BICD1: variants seen among roughly 807,000 people sequenced by gnomAD.
BICD1 encodes BICD cargo adaptor 1.
BICD1 carries 35 observed loss-of-function variants against 92.5 expected under a neutral mutation model. The observed-to-expected ratio is 0.38, with a 90% CI of 0.29 to 0.50. The LOEUF (loss-of-function observed/expected upper bound fraction) is 0.50, where lower values mean the gene tolerates loss of function less well. Ranked by LOEUF, BICD1 falls within the 20% of genes least tolerant of loss-of-function variation. The probability of loss-of-function intolerance (pLI) is 0.93; values close to 1 mark genes in which losing one functional copy is unlikely to be tolerated. For missense variants in BICD1, 950 were observed against 1,189.8 expected, an observed-to-expected ratio of 0.80 and a Z score of 2.97; for synonymous variants, 429 against 465.1, an observed-to-expected ratio of 0.92 and a Z score of 1.00.
At chr12:32,121,648 A>T (rs1343564324) in intron 1 of BICD1, among the ~76,000 whole-genome samples, 2 of 151,702 alleles carry the variant, frequency 1.3e-5, no homozygotes, top group African/African-American at 4.8e-5. Context: ...AGGTGGAAGG[A>T]TGGCTTGAGC....
At chr12:32,302,974 C>T (rs1948102379) in intron 3 of BICD1, among the ~76,000 whole-genome samples, 1 of 147,594 alleles carries the variant, frequency 6.8e-6, no homozygotes, top group African/African-American at 2.5e-5. Context: ...CACTCTGCCA[C>T]CCAGATTGGA....
intron 2 of BICD1, among the ~76,000 whole-genome samples, chr12:32,280,455 A>G (rs1947383735): frequency 6.6e-6 from 1 of 152,220 alleles, no homozygotes. Context: ...AAAAATATAG[A>G]GGGGGAAACT....
rs1940252738 is a variant in BICD1 at position 32,383,374 on chromosome 12, AT to A, written c.*5750del. 1 of 152,168 alleles carries A rather than the reference AT, an allele frequency of 6.6e-6. No homozygotes were observed. Among genetic ancestry groups the A allele is most frequent in the Non-Finnish European group, 1.5e-5 (1 of 67,990 alleles). The allele number at this position is 152,168 out of a possible 1,614,324, so 9.4% of individuals were successfully genotyped here. A position where few individuals can be genotyped will look rare whatever the true frequency, so the allele number is the denominator to read the frequency against. On this transcript the variant is annotated 3_prime_UTR_variant, in exon 10 of 10. Transcript: ENST00000652176. ...TTTTAAATTCAAAAAATTCTTATGA[AT>A]TTATTATTGCTTGTACTTTAACTTT... is the stretch of plus-strand genomic sequence containing the variant.
intron 1 of BICD1, among the ~76,000 whole-genome samples, chr12:32,137,243 C>CA (rs757185867): frequency 5.3e-5 from 8 of 152,116 alleles, no homozygotes; most frequent in Non-Finnish European, 1.0e-4. Context: ...CATGCGCCAC[C>CA]ACACCTGGTT....
chr12:32,209,710 T>C (rs1036660725), intron 1 of BICD1, among the ~76,000 whole-genome samples: 1 of 151,522 alleles, frequency 6.6e-6, no homozygotes, highest in African/African-American at 2.4e-5. Context: ...ATATCTAAGC[T>C]TTCTTCTCTG....
chr12:32,153,238 G>A (rs1241231682), intron 1 of BICD1, among the ~76,000 whole-genome samples: 2 of 152,102 alleles, frequency 1.3e-5, no homozygotes, highest in Non-Finnish European at 2.9e-5. Context: ...TTGCTGCAAA[G>A]GACATGATTT....
Position 32,212,531 on chromosome 12 carries a change from T to G in BICD1, c.214-3716T>G, listed in dbSNP as rs1047465248. ...CCTCCATCTCCCAGATTCAAGTGAT[T>G]CTCCTGCCTCAGCCACCCAAGTAGC... On this transcript the variant is annotated intron_variant, in intron 1 of 9. Transcript: ENST00000652176. Among the ~76,000 whole-genome samples the G allele has an allele frequency of 3.3e-5, 5 of 152,276 alleles. 1 individual carries two copies. The South Asian group carries it at 8.3e-4, about 25-fold the overall frequency.
At chr12:32,269,658 C>T (rs1319310498) in intron 2 of BICD1, among the ~76,000 whole-genome samples, 1 of 152,186 alleles carries the variant, frequency 6.6e-6, no homozygotes, top group African/African-American at 2.4e-5. Context: ...TGGGTTATAA[C>T]TTGCTTTCTG....
intron 2 of BICD1, among the ~76,000 whole-genome samples, chr12:32,283,432 C>A (rs1947473937): frequency 6.6e-6 from 1 of 150,810 alleles, no homozygotes; most frequent in African/African-American, 2.4e-5. Context: ...AGTCCCCAGT[C>A]AGCACAGATC....
chr12:32,369,551 C>T lies in BICD1; in HGVS notation c.2840+1806C>T, dbSNP rs193122795. On this transcript the variant is annotated intron_variant, in intron 9 of 9. Transcript: ENST00000652176. ...CCCAAGTGTCACATGGTCTCAGAGG[C>T]GGTTGTGCAGCCAGCTGTATCAGTG... Among the ~76,000 whole-genome samples, 135 of 152,348 alleles carry T rather than the reference C, an allele frequency of 8.9e-4. 1 individual carries two copies. In the Middle Eastern group the frequency reaches 0.01, roughly 12 times the overall value.
chr12:32,226,664 C>T (rs966366844), intron 2 of BICD1, among the ~76,000 whole-genome samples: 3 of 152,126 alleles, frequency 2.0e-5, no homozygotes, highest in South Asian at 2.1e-4. Context: ...CAGGCTTCAG[C>T]GACCCTTCTC....
chr12:32,143,486 GGTT>G (rs1467032848), intron 1 of BICD1, among the ~76,000 whole-genome samples: 1 of 152,060 alleles, frequency 6.6e-6, no homozygotes, highest in East Asian at 1.9e-4. Flanking sequence ...AGATTCTCCA[GGTT>G]GTTGTACACA....
intron 4 of BICD1, 38 bp downstream of exon 4, chr12:32,306,160 T>A: frequency 6.6e-7 from 1 of 1,514,402 alleles, no homozygotes; most frequent in Non-Finnish European, 8.8e-7. Flanking sequence ...GTGAATTTCT[T>A]GTAGATTGCA....
intron 1 of BICD1, among the ~76,000 whole-genome samples, chr12:32,130,011 A>T (rs915112035): frequency 6.6e-6 from 1 of 152,220 alleles, no homozygotes; most frequent in African/African-American, 2.4e-5. Flanking sequence ...AAATATAGGT[A>T]CAATGAGTTT....
chr12:32,212,142 A>C (rs1391811952), intron 1 of BICD1, among the ~76,000 whole-genome samples: 1 of 152,174 alleles, frequency 6.6e-6, no homozygotes, highest in African/African-American at 2.4e-5. Flanking sequence ...CTTAGGGACC[A>C]TCTTTTGATT....
chr12:32,286,422 A>T (rs1947568696), intron 2 of BICD1, among the ~76,000 whole-genome samples: 1 of 152,196 alleles, frequency 6.6e-6, no homozygotes, highest in South Asian at 2.1e-4. Flanking sequence ...ATTTTTCAAG[A>T]AAGAAAAAAA....
intron 2 of BICD1, among the ~76,000 whole-genome samples, chr12:32,222,841 C>G (rs1021239030): frequency 6.6e-6 from 1 of 152,152 alleles, no homozygotes; most frequent in African/African-American, 2.4e-5. Context: ...CCGGAGGACA[C>G]AGCAACAAGG....
intron 8 of BICD1, among the ~76,000 whole-genome samples, chr12:32,346,638 GTATA>G (rs1217158084): frequency 8.8e-4 from 2 of 2,280 alleles, no homozygotes; most frequent in Non-Finnish European, 2.5e-3. Context: ...ATATATACGT[GTATA>G]TATATATATA....
rs77050532 is a variant in BICD1 at position 32,123,184 on chromosome 12, A to G, written c.213+15640A>G. 9.5e-4 allele frequency among the ~76,000 whole-genome samples: 144 copies of G among 152,308 alleles called. No homozygotes were observed. In the East Asian group the frequency reaches 0.025, roughly 27 times the overall value. On this transcript the variant is annotated intron_variant, in intron 1 of 9. Transcript: ENST00000652176. ...GAAGGTTATGATTTTCAATAGAGTG[A>G]TCAGAGAAAGCCTCATTGAGAAGAC...
Sources: allele counts gnomAD v4.1 joint callset (sites outside exome capture counted in the v4.1 genomes callset), GRCh38; gene constraint gnomAD v4.1.1; transcripts MANE v1.5; gene names NCBI Gene and HGNC (gene_info 2026-07-23, HGNC 2026-07-21).